MLLT10: variants seen among roughly 807,000 people sequenced by gnomAD.
MLLT10 encodes MLLT10 histone lysine methyltransferase DOT1L cofactor.
A neutral mutation model predicts 129.1 loss-of-function variants in MLLT10; 30 were observed. The observed-to-expected ratio is 0.23, with a 90% CI of 0.17 to 0.32. The LOEUF is 0.32. Among genes scored for constraint, MLLT10 ranks in the 10% least tolerant of loss-of-function variants. The pLI is 1.00. For missense variants in MLLT10, 1,119 were observed against 1,268.3 expected (o/e 0.88, Z 1.79); for synonymous variants, 490 against 446.4 (o/e 1.10, Z -1.23).
At chr10:21,613,830 C>T (rs564962069) in intron 6 of MLLT10, among the ~76,000 whole-genome samples, 9 of 151,802 alleles carry the variant, frequency 5.9e-5, no homozygotes, top group East Asian at 1.9e-4. Context: ...GCTTGAGCCC[C>T]AGAAGGCCGA....
intron 5 of MLLT10, among the ~76,000 whole-genome samples, chr10:21,596,551 TAGC>T (rs2043031845): frequency 6.6e-6 from 1 of 152,100 alleles, no homozygotes; most frequent in Non-Finnish European, 1.5e-5. Flanking sequence ...TACACTGTAT[TAGC>T]TATATGTGAG....
chr10:21,589,038 A>C (rs2042259201), intron 4 of MLLT10, among the ~76,000 whole-genome samples: 1 of 151,928 alleles, frequency 6.6e-6, no homozygotes. Flanking sequence ...TGGCCTCCCA[A>C]AGTGATGGGA....
intron 3 of MLLT10, among the ~76,000 whole-genome samples, chr10:21,550,275 A>G (rs1385617573): frequency 3.9e-5 from 6 of 152,146 alleles, no homozygotes; most frequent in Admixed American, 3.3e-4. Context: ...AGAGTGAGTC[A>G]TCTACTCACA....
At chr10:21,716,911 A>G (rs570351877) in intron 14 of MLLT10, among the ~76,000 whole-genome samples, 8 of 152,062 alleles carry the variant, frequency 5.3e-5, no homozygotes, top group African/African-American at 1.7e-4. Flanking sequence ...GCTTTTTGTG[A>G]TATACATTTT....
rs1833926360 is a variant in MLLT10 at position 21,743,604 on chromosome 10, GTTAATAAAAT to G, written c.*1629_*1638del. Reference sequence around the variant, plus strand: ...TGTATTAAAATGTACAAAATGTTTTGTTAATAAAATTTAATAATGTTTATAACTCCGTGCC... The same window carrying G: ...TGTATTAAAATGTACAAAATGTTTTGTTAATAATGTTTATAACTCCGTGCC... On this transcript the variant is annotated 3_prime_UTR_variant, in exon 23 of 23. Transcript: ENST00000307729. 1 of 173,384 alleles carries G rather than the reference GTTAATAAAAT, an allele frequency of 5.8e-6. No individual in the cohort carries two copies. Among genetic ancestry groups the G allele is most frequent in the African/African-American group, 2.4e-5 (1 of 42,146 alleles). The allele number at this position is 173,384 out of a possible 1,614,324, so 10.7% of individuals were successfully genotyped here.
intron 8 of MLLT10, among the ~76,000 whole-genome samples, chr10:21,632,989 G>A (rs1479462775): frequency 1.3e-5 from 2 of 152,066 alleles, no homozygotes; most frequent in Non-Finnish European, 2.9e-5. Context: ...AGAACTTAGA[G>A]TTCCTTTTAA....
intron 8 of MLLT10, among the ~76,000 whole-genome samples, chr10:21,643,574 G>GGA (rs1564564782): frequency 6.6e-6 from 1 of 152,068 alleles, no homozygotes; most frequent in Non-Finnish European, 1.5e-5. Flanking sequence ...CTTTCATAAT[G>GGA]GAGAACATTT....
At chr10:21,693,385 A>AC (rs2054061967) in intron 13 of MLLT10, among the ~76,000 whole-genome samples, 1 of 151,926 alleles carries the variant, frequency 6.6e-6, no homozygotes, top group East Asian at 1.9e-4. Context: ...GGAAAAAAAA[A>AC]ACCTTATTTT....
intron 4 of MLLT10, among the ~76,000 whole-genome samples, chr10:21,591,651 TTATC>T (rs1241429036): frequency 1.3e-5 from 2 of 152,186 alleles, no homozygotes; most frequent in African/African-American, 4.8e-5. Context: ...GTATTTATAT[TTATC>T]TATATAGTGG....
rs550034316 is a variant in MLLT10, at chr10:21,595,487, A to G, written c.405+47A>G. Reference sequence around the variant, plus strand: ...TACTGTTTGAATATCACTACTGGGAAGTAGAAAGGAAGTTTTTGTGTTTTT... The same window carrying G: ...TACTGTTTGAATATCACTACTGGGAGGTAGAAAGGAAGTTTTTGTGTTTTT... On this transcript the variant is annotated intron_variant, in intron 5 of 22. Transcript: ENST00000307729. The G allele has an allele frequency of 9.8e-6, 14 of 1,430,400 alleles. No homozygotes were observed. The African/African-American group carries it at 1.4e-4, about 14-fold the overall frequency. 88.6% of individuals were successfully genotyped at this position (1,430,400 alleles called of 1,614,324 possible). A position where few individuals can be genotyped will look rare whatever the true frequency, so the allele number is the denominator to read the frequency against.
chr10:21,685,340 T>G (rs541347345), intron 13 of MLLT10, among the ~76,000 whole-genome samples: 54 of 152,300 alleles, frequency 3.5e-4, no homozygotes, highest in Admixed American at 9.8e-4. Flanking sequence ...GAAAGATGAT[T>G]ATTATTATTT....
At chr10:21,622,189 G>A (rs2045941088) in intron 8 of MLLT10, among the ~76,000 whole-genome samples, 1 of 123,114 alleles carries the variant, frequency 8.1e-6, no homozygotes, top group Admixed American at 1.1e-4. Context: ...ATGAAGTATC[G>A]CTCTGTTACG....
At chr10:21,730,609 T>C (rs868023011) in intron 16 of MLLT10, among the ~76,000 whole-genome samples, 25 of 152,228 alleles carry the variant, frequency 1.6e-4, no homozygotes, top group African/African-American at 6.0e-4. Context: ...ACCAAGTTAT[T>C]TTACAGCCTA....
At chr10:21,540,783 T>C (rs1436859846) in intron 3 of MLLT10, among the ~76,000 whole-genome samples, 1 of 152,154 alleles carries the variant, frequency 6.6e-6, no homozygotes, top group Non-Finnish European at 1.5e-5. Flanking sequence ...AGACTGAAGG[T>C]AGAGAACAAA....
chr10:21,600,368 A>AACACAC (rs199618726), intron 5 of MLLT10, among the ~76,000 whole-genome samples: 2,582 of 144,620 alleles, frequency 0.018, 56 homozygotes, highest in African/African-American at 0.059. Context: ...CCTGAGATAG[A>AACACAC]ACACACACAC....
chr10:21,706,382 T>G (rs1451245945), intron 13 of MLLT10, among the ~76,000 whole-genome samples: 1 of 152,230 alleles, frequency 6.6e-6, no homozygotes, highest in East Asian at 1.9e-4. Flanking sequence ...GCCCCAGCCC[T>G]GTGAAATTGT....
chr10:21,652,059 C>T (rs901289921), intron 9 of MLLT10, among the ~76,000 whole-genome samples: 1 of 151,746 alleles, frequency 6.6e-6, no homozygotes, highest in East Asian at 1.9e-4. Context: ...ACTACAGGCG[C>T]GTGCCACTGT....
intron 5 of MLLT10, among the ~76,000 whole-genome samples, chr10:21,612,048 TTG>T (rs1007572184): frequency 2.0e-5 from 3 of 152,182 alleles, no homozygotes; most frequent in African/African-American, 7.2e-5. Flanking sequence ...GTGTGGTAGA[TTG>T]TGTCCTGGCC....
chr10:21,642,425 G>A (rs2048097931), intron 8 of MLLT10, among the ~76,000 whole-genome samples: 1 of 152,144 alleles, frequency 6.6e-6, no homozygotes, highest in Non-Finnish European at 1.5e-5. Context: ...GGGAGGCTGA[G>A]GCGGGCAGAT....
Sources: allele counts gnomAD v4.1 joint callset (sites outside exome capture counted in the v4.1 genomes callset), GRCh38; gene constraint gnomAD v4.1.1; transcripts MANE v1.5; gene names NCBI Gene and HGNC (gene_info 2026-07-23, HGNC 2026-07-21).